Variants in PRMT9 observed in about 807,000 individuals in gnomAD.
PRMT9 encodes the protein protein arginine methyltransferase 9.
In PRMT9, 59 loss-of-function variants were observed where a neutral mutation model predicts 83.2. The ratio of observed to expected loss-of-function variants is 0.71; its 90% CI spans 0.57 to 0.88. PRMT9 has a LOEUF of 0.88. PRMT9 is among the 40% of genes least tolerant of loss of function. PRMT9 has a pLI of 0.00. For missense variants in PRMT9, 947 were observed against 1,021.9 expected (o/e 0.93, Z 1.00); for synonymous variants, 333 against 353.2 (o/e 0.94, Z 0.64).
At chr4:147,659,579 C>CTTTTTTTTTTTTT (rs33942571) in intron 7 of PRMT9, among the ~76,000 whole-genome samples, 7 of 121,646 alleles carry the variant, frequency 5.8e-5, no homozygotes, top group African/African-American at 6.1e-5. Flanking sequence ...ACTTTCTTTT[C>CTTTTTTTTTTTTT]TTTTTTTTTT....
intron 2 of PRMT9, among the ~76,000 whole-genome samples, chr4:147,675,794 A>G (rs1044945156): frequency 4.6e-5 from 7 of 152,234 alleles, no homozygotes; most frequent in Non-Finnish European, 8.8e-5. Context: ...GAAAAACATT[A>G]TCTTCTTGAT....
intron 11 of PRMT9, 29 bp downstream of exon 11, chr4:147,638,931 A>G (rs769798180): frequency 3.4e-5 from 54 of 1,598,696 alleles, no homozygotes; most frequent in Non-Finnish European, 4.1e-5. Context: ...AACAATAACA[A>G]ACGAAATCAT....
intron 9 of PRMT9, among the ~76,000 whole-genome samples, chr4:147,652,711 T>TA (rs1179001534): frequency 0.08 from 5,441 of 68,046 alleles, 444 homozygotes; most frequent in African/African-American, 0.24. Flanking sequence ...ACCCCGTGTC[T>TA]AAAAAAAAAA....
chr4:147,665,415 T>C (rs1176319898), intron 6 of PRMT9, among the ~76,000 whole-genome samples: 3 of 152,232 alleles, frequency 2.0e-5, no homozygotes, highest in African/African-American at 7.2e-5. Flanking sequence ...GGGATTCTTA[T>C]TCAGTGGGTT....
intron 9 of PRMT9, among the ~76,000 whole-genome samples, chr4:147,652,992 T>C (rs1405022975): frequency 2.0e-5 from 3 of 151,664 alleles, no homozygotes; most frequent in African/African-American, 7.3e-5. Flanking sequence ...TTTATATAAA[T>C]AGATAAATTA....
chr4:147,640,501 T>G (rs915546295), intron 10 of PRMT9, among the ~76,000 whole-genome samples: 3 of 152,192 alleles, frequency 2.0e-5, no homozygotes, highest in Non-Finnish European at 4.4e-5. Context: ...TCCAGTCTTA[T>G]GGCCTTAAAT....
intron 6 of PRMT9, among the ~76,000 whole-genome samples, chr4:147,663,843 C>G (rs1735143866): frequency 1.3e-5 from 2 of 152,238 alleles, no homozygotes; most frequent in Non-Finnish European, 1.5e-5. Context: ...TCTATTTGTA[C>G]ATTACTGAAA....
intron 7 of PRMT9, among the ~76,000 whole-genome samples, chr4:147,658,386 T>C (rs1273975301): frequency 6.6e-6 from 1 of 151,588 alleles, no homozygotes; most frequent in African/African-American, 2.4e-5. Flanking sequence ...AGTGTGTATG[T>C]GTGTGTGTGT....
intron 7 of PRMT9, among the ~76,000 whole-genome samples, chr4:147,659,276 C>G (rs951390007): frequency 6.6e-6 from 1 of 151,714 alleles, no homozygotes; most frequent in Non-Finnish European, 1.5e-5. Flanking sequence ...TGGTGGGTGC[C>G]TGTAATCCCA....
intron 9 of PRMT9, among the ~76,000 whole-genome samples, chr4:147,647,988 CG>C (rs57235544): frequency 0.86 from 131,006 of 152,146 alleles, 58,643 homozygotes; most frequent in Non-Finnish European, 0.98. Flanking sequence ...CTTATATTTA[CG>C]GATTTATTAC....
intron 10 of PRMT9, among the ~76,000 whole-genome samples, chr4:147,639,636 C>G (rs1733247427): frequency 6.6e-6 from 1 of 152,062 alleles, no homozygotes; most frequent in Non-Finnish European, 1.5e-5. Context: ...CATTAGGATC[C>G]CCAGATGTTT....
chr4:147,680,922 A>C (rs892862622), intron 1 of PRMT9, among the ~76,000 whole-genome samples: 17 of 152,258 alleles, frequency 1.1e-4, no homozygotes, highest in Admixed American at 1.1e-3. Context: ...GCTTCCTATT[A>C]GTCATTTCAA....
At chr4:147,668,748 A>G (rs1463979510) in intron 5 of PRMT9, 103 bp from the exon 6 acceptor site, 22 of 751,918 alleles carry the variant, frequency 2.9e-5, no homozygotes, top group South Asian at 1.7e-4. Context: ...TAAAAAGACA[A>G]TAAGTAAGGA....
At position 147,683,782 on chromosome 4, in the gene PRMT9, G is replaced by GA. The variant is rs774009647; in HGVS notation, c.189+16dup. ...GGACGTTGGATCTGCCAGCAAGTGA[G>GA]AAAAAAGGACCCTCACCTTCACGTC... On this transcript the variant is annotated intron_variant, in intron 1 of 11. Transcript: ENST00000322396. 4.2e-5 allele frequency: 62 copies of GA among 1,491,708 alleles called. No homozygotes were observed. The highest frequency in any genetic ancestry group is 5.2e-5 in the Non-Finnish European group (57 of 1,096,240). The allele number at this position is 1,491,708 out of a possible 1,614,324, so 92.4% of individuals were successfully genotyped here.
intron 8 of PRMT9, among the ~76,000 whole-genome samples, chr4:147,657,417 C>T (rs929087256): frequency 1.3e-5 from 2 of 151,712 alleles, no homozygotes; most frequent in East Asian, 1.9e-4. Context: ...CTCAGCTACT[C>T]GGAAGGCTGA....
intron 7 of PRMT9, among the ~76,000 whole-genome samples, chr4:147,660,051 C>T (rs1734848888): frequency 6.6e-6 from 1 of 152,180 alleles, no homozygotes; most frequent in Admixed American, 6.5e-5. Flanking sequence ...CCATAATGCA[C>T]ATACAACCTA....
In PRMT9 at chr4:147,655,500, G is replaced by A. The variant is rs952921307; in HGVS notation, c.1331-934C>T. ...AATTTTAAAATGTAAATGTATAATCGCAATTCCTTCTCATTAACCCTGGAA... is the reference window on the plus strand; with the variant it reads ...AATTTTAAAATGTAAATGTATAATCACAATTCCTTCTCATTAACCCTGGAA... On this transcript the variant is annotated intron_variant, in intron 8 of 11. Transcript: ENST00000322396. Among the ~76,000 whole-genome samples, 3 of 151,982 alleles carry A rather than the reference G, an allele frequency of 2.0e-5. No homozygotes were observed. The South Asian group carries it at 6.2e-4, about 32-fold the overall frequency.
chr4:147,659,131 ATCACGCCACTGCAC>A (rs1049432132), intron 7 of PRMT9, among the ~76,000 whole-genome samples: 2 of 151,612 alleles, frequency 1.3e-5, no homozygotes, highest in Admixed American at 6.6e-5. Flanking sequence ...GTGAGCCGAG[ATCACGCCACTGCAC>A]TCCAGCCTGG....
chr4:147,676,295 G>A (rs965167051), intron 2 of PRMT9, among the ~76,000 whole-genome samples: 1 of 152,124 alleles, frequency 6.6e-6, no homozygotes, highest in Non-Finnish European at 1.5e-5. Context: ...GGAATGTTAT[G>A]ATCACCGTAT....
Sources: allele counts gnomAD v4.1 joint callset (sites outside exome capture counted in the v4.1 genomes callset), GRCh38; gene constraint gnomAD v4.1.1; transcripts MANE v1.5; gene names NCBI Gene and HGNC (gene_info 2026-07-23, HGNC 2026-07-21).